Variants in PALM3 observed in about 807,000 individuals in gnomAD.
The protein encoded by PALM3 is paralemmin-3.
PALM3 carries 20 observed loss-of-function variants against 27.9 expected under a neutral mutation model. The observed-to-expected ratio is 0.72, with a 90% confidence interval of 0.50 to 1.04. PALM3 has a LOEUF of 1.04. Ranked by LOEUF, PALM3 falls within the 50% of genes least tolerant of loss-of-function variation. The pLI, the probability that PALM3 is intolerant of heterozygous loss-of-function variation, is 0.00. For synonymous variants in PALM3, 328 were observed against 352.7 expected, an observed-to-expected ratio of 0.93 and a Z score of 0.79; for missense variants, 814 against 869.4, an observed-to-expected ratio of 0.94 and a Z score of 0.80.
At chr19:14,058,452 G>A (rs1458209891) in intron 2 of PALM3, among the ~76,000 whole-genome samples, 1 of 151,700 alleles carries the variant, frequency 6.6e-6, no homozygotes, top group East Asian at 1.9e-4. Flanking sequence ...TGGGGGTCCG[G>A]AGAGATGGGG....
intron 6 of PALM3, 50 bp from the exon 7 acceptor site, chr19:14,055,276 A>C: frequency 6.6e-7 from 1 of 1,525,364 alleles, no homozygotes; most frequent in Non-Finnish European, 8.8e-7. Context: ...AGACAGGGTT[A>C]AGATGGAACA....
Position 14,055,135 on chromosome 19 carries a change from C to T in PALM3, c.537G>A (p.Leu179=). The T allele has an allele frequency of 1.3e-6, 2 of 1,551,096 alleles. No individual in the cohort carries two copies. Among genetic ancestry groups the T allele is most frequent in the Middle Eastern group, 3.3e-4 (2 of 5,984 alleles). ...ESPSEPREDV[L]GFLPGPRQVP... is the part of the protein sequence containing the mutation. The stretch of plus-strand genomic sequence containing the variant: ...CCTGCCTCGGGCCTGGCAGAAACCC[C>T]AAGACATCCTCCCTGGGCTCAGAGG... Residue 179 remains leucine, a synonymous_variant, in exon 7 of 7, where the codon TTG becomes TTA. Coordinates refer to ENST00000669674, the MANE Select transcript of PALM3 (RefSeq NM_001145028.2).
Position 14,053,379 on chromosome 19 carries a change from A to C in PALM3, c.*226T>G, listed in dbSNP as rs1320579186. 3 of 450,798 alleles carry C rather than the reference A, an allele frequency of 6.7e-6. No homozygotes were observed. The highest frequency in any genetic ancestry group is 3.8e-6 in the Non-Finnish European group (1 of 260,376). 27.9% of individuals were successfully genotyped at this position (450,798 alleles called of 1,614,324 possible). A position where few individuals can be genotyped will look rare whatever the true frequency, so the allele number is the denominator to read the frequency against. On this transcript the variant is annotated 3_prime_UTR_variant, in exon 7 of 7. Transcript: ENST00000669674. Reference sequence around the variant, plus strand: ...CATTCAAGCCGTCTTGAGTGCTTTCACATTTTATTTTCAAGTATAAAGGCT... The same window carrying C: ...CATTCAAGCCGTCTTGAGTGCTTTCCCATTTTATTTTCAAGTATAAAGGCT...
At chr19:14,057,200 C>A in intron 3 of PALM3, 151 bp downstream of exon 3, 3 of 615,474 alleles carry the variant, frequency 4.9e-6, no homozygotes, top group South Asian at 4.1e-5. Flanking sequence ...GAAAGACATA[C>A]CCCGCCCCGG....
rs1976421599 is a variant in PALM3 at position 14,062,007 on chromosome 19, C to G, written c.-27G>C. The G allele has an allele frequency of 1.0e-6, 1 of 985,180 alleles. No individual in the cohort carries two copies. The highest frequency in any genetic ancestry group is 1.2e-6 in the Non-Finnish European group (1 of 829,840). The allele number at this position is 985,180 out of a possible 1,614,324, so 61.0% of individuals were successfully genotyped here. A position where few individuals can be genotyped will look rare whatever the true frequency, so the allele number is the denominator to read the frequency against. ...TCTGCCCAGAAGTTCACTTTCTGGT[C>G]TCCGAGTTCTGGACCCACCACCCGC... On this transcript the variant is annotated 5_prime_UTR_variant, in exon 1 of 7. Coordinates refer to ENST00000669674, the MANE Select transcript of PALM3 (RefSeq NM_001145028.2).
intron 1 of PALM3, among the ~76,000 whole-genome samples, chr19:14,059,728 G>T (rs1011907087): frequency 2.0e-5 from 3 of 152,044 alleles, no homozygotes; most frequent in Admixed American, 6.6e-5. Flanking sequence ...CAAGCGCTGG[G>T]GGGGCAAGCG....
chr19:14,055,500 C>T, intron 5 of PALM3, 75 bp from the exon 6 acceptor site: 1 of 1,434,974 alleles, frequency 7.0e-7, no homozygotes, highest in South Asian at 1.2e-5. Flanking sequence ...TAGGCTCCCA[C>T]CCCACCACCC....
Position 14,054,834 on chromosome 19 carries a change from C to T in PALM3, c.838G>A (p.Ala280Thr). The T allele has an allele frequency of 6.5e-7, 1 of 1,548,798 alleles. No homozygotes were observed. Among genetic ancestry groups the T allele is most frequent in the African/African-American group, 1.4e-5 (1 of 73,122 alleles). Residue 280 changes from alanine to threonine, a missense_variant, in exon 7 of 7, where the codon GCC becomes ACC. Transcript: ENST00000669674. Reference sequence around the variant, plus strand: ...ATGCCCCTGTCCTCCTTCACCCAGGCCGGGAGCTCCAGGCTACCAGCTCCC... The same window carrying T: ...ATGCCCCTGTCCTCCTTCACCCAGGTCGGGAGCTCCAGGCTACCAGCTCCC... ...RKGAGSLELP[A>T]WVKEDRGIVE...
Position 14,054,497 on chromosome 19 carries a change from A to C in PALM3, c.1175T>G (p.Leu392Arg). Residue 392 changes from leucine (L) to arginine (R), a missense_variant, in exon 7 of 7, where the codon CTG becomes CGG. Transcript: ENST00000669674. ...TCCCGTCTTGGCCCCCTCGGCCCCC[A>C]GCGGGCTTTCATCTCCTCTCTCCCT... The part of the protein sequence containing the change: ...AGRERGDESP[L>R]GAEGAKTGGG... The C allele has an allele frequency of 1.3e-6, 2 of 1,550,406 alleles. No individual in the cohort carries two copies. The highest frequency in any genetic ancestry group is 1.7e-6 in the Non-Finnish European group (2 of 1,146,518).
intron 1 of PALM3, among the ~76,000 whole-genome samples, chr19:14,060,596 G>A (rs572817500): frequency 6.6e-6 from 1 of 152,220 alleles, no homozygotes; most frequent in Non-Finnish European, 1.5e-5. Flanking sequence ...TGGCAGCAGT[G>A]TCCAAGGTCA....
In PALM3 at chr19:14,054,863, C is replaced by T. The variant is rs1267901422; in HGVS notation, c.809G>A (p.Arg270Lys). Reference protein sequence around the residue: ...EEVVLEAIGDRKGAGSLELPA... With the variant: ...EEVVLEAIGDKKGAGSLELPA... ...GAGCTCCAGGCTACCAGCTCCCTTCCTGTCTCCGATGGCTTCCAGCACCAC... is the reference window on the plus strand; with the variant it reads ...GAGCTCCAGGCTACCAGCTCCCTTCTTGTCTCCGATGGCTTCCAGCACCAC... The change falls in exon 7 of 7, where the codon AGG becomes AAG. Residue 270 changes from arginine to lysine, a missense_variant. By Grantham distance (26) the Arg-to-Lys change is conservative. Coordinates refer to ENST00000669674, the MANE Select transcript of PALM3 (RefSeq NM_001145028.2). The T allele has an allele frequency of 6.5e-7, 1 of 1,549,352 alleles. No individual in the cohort carries two copies. Among genetic ancestry groups the T allele is most frequent in the Non-Finnish European group, 8.7e-7 (1 of 1,146,550 alleles).
chr19:14,056,934 CT>C, intron 3 of PALM3, 130 bp from the exon 4 acceptor site: 1 of 975,602 alleles, frequency 1.0e-6, no homozygotes, highest in Non-Finnish European at 1.5e-6. Flanking sequence ...ATACATCAGG[CT>C]GGGATACATG....
intron 1 of PALM3, among the ~76,000 whole-genome samples, chr19:14,060,461 A>G (rs982200129): frequency 6.6e-6 from 1 of 151,872 alleles, no homozygotes; most frequent in Non-Finnish European, 1.5e-5. Flanking sequence ...AAATCAGCCA[A>G]CCATTAGCTA....
At position 14,054,556 on chromosome 19, in the gene PALM3, C is replaced by G. The variant is rs1976261341; in HGVS notation, c.1116G>C (p.Leu372=). 6.4e-7 allele frequency: 1 copy of G among 1,551,804 alleles called. No individual in the cohort carries two copies. The highest frequency in any genetic ancestry group is 8.7e-7 in the Non-Finnish European group (1 of 1,147,070). ...VTLSEEWEEL[L]VEGLEGPEVA... ...CCTCGGGCCCTTCCAACCCCTCCAC[C>G]AGCAGCTCCTCCCACTCTTCACTGA... The change falls in exon 7 of 7, where the codon CTG becomes CTC. Residue 372 remains leucine (L), a synonymous_variant. Transcript: ENST00000669674.
At position 14,054,233 on chromosome 19, in the gene PALM3, C is replaced by T. The variant is rs1382872771; in HGVS notation, c.1439G>A (p.Arg480Lys). ...GIERKVEGHL[R>K]AEKEGDEEKR... ...TTCCTCATCTCCTTCCTTCTCTGCC[C>T]TCAAATGTCCCTCAACTTTTCTCTC... The change falls in exon 7 of 7, where the codon AGG becomes AAG. Residue 480 changes from arginine (R) to lysine (K), a missense_variant. Arg to Lys is a conservative substitution (Grantham distance 26). Coordinates refer to ENST00000669674, the MANE Select transcript of PALM3 (RefSeq NM_001145028.2). 10 of 1,551,946 alleles carry T rather than the reference C, an allele frequency of 6.4e-6. No homozygotes were observed. Among genetic ancestry groups the T allele is most frequent in the African/African-American group, 1.4e-5 (1 of 72,892 alleles).
At chr19:14,056,971 G>A (rs1028725861) in intron 3 of PALM3, 167 bp from the exon 4 acceptor site, 2 of 704,150 alleles carry the variant, frequency 2.8e-6, no homozygotes, top group Non-Finnish European at 4.6e-6. Context: ...AACGCTGCAA[G>A]TGGGCAGACA....
chr19:14,056,303 A>G, intron 5 of PALM3, 126 bp downstream of exon 5: 1 of 925,548 alleles, frequency 1.1e-6, no homozygotes, highest in South Asian at 1.5e-5. Flanking sequence ...AAAAGCGGGA[A>G]GCGGATCTGA....
At chr19:14,058,110 A>G (rs1976347903) in intron 2 of PALM3, among the ~76,000 whole-genome samples, 1 of 152,192 alleles carries the variant, frequency 6.6e-6, no homozygotes, top group Admixed American at 6.5e-5. Context: ...TCCGTCTCAA[A>G]AAAAGAAAAA....
chr19:14,059,418 G>A (rs542169589), intron 1 of PALM3, among the ~76,000 whole-genome samples: 1 of 152,118 alleles, frequency 6.6e-6, no homozygotes, highest in African/African-American at 2.4e-5. Flanking sequence ...TCTGTAAGAT[G>A]GGCAGGAATA....
Sources: allele counts gnomAD v4.1 joint callset (sites outside exome capture counted in the v4.1 genomes callset), GRCh38; gene constraint gnomAD v4.1.1; transcripts MANE v1.5; gene names NCBI Gene and HGNC (gene_info 2026-07-23, HGNC 2026-07-21).